Variants in FHIT observed in about 807,000 individuals in gnomAD.
FHIT encodes the protein fragile histidine triad diadenosine triphosphatase.
A neutral mutation model predicts 17.9 loss-of-function variants in FHIT; 19 were observed. The observed-to-expected ratio is 1.06, with a 90% confidence interval of 0.74 to 1.56. The LOEUF (loss-of-function observed/expected upper bound fraction) is 1.56, where lower values mean the gene tolerates loss of function less well. Ranked by LOEUF, FHIT falls within the 40% of genes most tolerant of loss-of-function variation. The probability of loss-of-function intolerance (pLI) is 0.00; values close to 1 mark genes in which losing one functional copy is unlikely to be tolerated. For missense variants in FHIT, 248 were observed against 189.2 expected (o/e 1.31, Z -1.82); for synonymous variants, 81 against 69.7 (o/e 1.16, Z -0.81).
At chr3:60,104,045 C>T (rs1027493129) in intron 5 of FHIT, among the ~76,000 whole-genome samples, 2 of 152,158 alleles carry the variant, frequency 1.3e-5, no homozygotes, top group Admixed American at 6.5e-5. Context: ...GTGACCCCTA[C>T]ATGAGGCCAG....
intron 4 of FHIT, among the ~76,000 whole-genome samples, chr3:60,677,716 T>C (rs1255967702): frequency 1.3e-5 from 2 of 152,188 alleles, no homozygotes; most frequent in Non-Finnish European, 2.9e-5. Flanking sequence ...ATCTTGATTT[T>C]TTTGGAAGAG....
intron 5 of FHIT, among the ~76,000 whole-genome samples, chr3:60,410,893 G>C (rs1702035338): frequency 6.6e-6 from 1 of 152,052 alleles, no homozygotes; most frequent in Non-Finnish European, 1.5e-5. Flanking sequence ...TTCCTATATG[G>C]AGTAATAAGA....
intron 8 of FHIT, among the ~76,000 whole-genome samples, chr3:59,847,680 C>T (rs1701771301): frequency 1.3e-5 from 2 of 152,266 alleles, no homozygotes; most frequent in South Asian, 2.1e-4. Context: ...GAAAACTGGA[C>T]ATATGAATCG....
intron 8 of FHIT, among the ~76,000 whole-genome samples, chr3:59,873,871 G>C (rs80320253): frequency 6.6e-6 from 1 of 152,118 alleles, no homozygotes; most frequent in South Asian, 2.1e-4. Context: ...TTGGTTCCCT[G>C]CTTAAATCTC....
chr3:60,587,141 G>GTA (rs2037933045), intron 4 of FHIT, among the ~76,000 whole-genome samples: 1 of 151,962 alleles, frequency 6.6e-6, no homozygotes, highest in Admixed American at 6.6e-5. Flanking sequence ...AGAAAAAGTA[G>GTA]TATATATACA....
intron 5 of FHIT, among the ~76,000 whole-genome samples, chr3:60,218,212 T>C (rs1425401542): frequency 6.6e-6 from 1 of 152,138 alleles, no homozygotes; most frequent in Non-Finnish European, 1.5e-5. Flanking sequence ...AACCACTGAA[T>C]AAGAAATTAA....
intron 7 of FHIT, among the ~76,000 whole-genome samples, chr3:59,985,334 T>C (rs923326539): frequency 3.3e-5 from 5 of 152,066 alleles, no homozygotes; most frequent in African/African-American, 1.2e-4. Context: ...AGGCAGAGTA[T>C]TTGCCAAAAC....
At chr3:60,431,501 C>A (rs957185677) in intron 5 of FHIT, among the ~76,000 whole-genome samples, 8 of 152,046 alleles carry the variant, frequency 5.3e-5, no homozygotes, top group Admixed American at 2.0e-4. Context: ...ACTATCTCCC[C>A]ACCTCCCACA....
intron 3 of FHIT, among the ~76,000 whole-genome samples, chr3:60,952,682 T>G (rs6801372): frequency 0.98 from 149,081 of 152,250 alleles, 73,073 homozygotes; most frequent in East Asian, 1. Context: ...CCTGAAAACA[T>G]GAAACAAAAC....
At chr3:60,927,813 C>G (rs2107348658) in intron 3 of FHIT, among the ~76,000 whole-genome samples, 1 of 152,368 alleles carries the variant, frequency 6.6e-6, no homozygotes, top group South Asian at 2.1e-4. Context: ...GAGGTGTACC[C>G]ACCAGCTCAT....
At chr3:61,215,054 C>A (rs1324407629) in intron 1 of FHIT, among the ~76,000 whole-genome samples, 2 of 151,602 alleles carry the variant, frequency 1.3e-5, no homozygotes, top group Non-Finnish European at 2.9e-5. Flanking sequence ...CAATATCATA[C>A]TGAATGGGCA....
intron 5 of FHIT, among the ~76,000 whole-genome samples, chr3:60,419,682 A>G (rs1702398477): frequency 6.6e-6 from 1 of 152,026 alleles, no homozygotes; most frequent in Admixed American, 6.6e-5. Context: ...GTCTTTCTCT[A>G]ATTTCTTACT....
intron 5 of FHIT, among the ~76,000 whole-genome samples, chr3:60,139,032 A>G (rs1699928543): frequency 6.6e-6 from 1 of 152,164 alleles, no homozygotes; most frequent in African/African-American, 2.4e-5. Context: ...GTCTCCTCCA[A>G]TGTTCTAGCC....
chr3:60,630,802 C>G (rs1023027839), intron 4 of FHIT, among the ~76,000 whole-genome samples: 5 of 152,092 alleles, frequency 3.3e-5, no homozygotes, highest in Non-Finnish European at 5.9e-5. Context: ...CTGGTTTATA[C>G]AGAGTAATTA....
At chr3:60,517,539 G>GGGT (rs1380221137) in intron 5 of FHIT, among the ~76,000 whole-genome samples, 9 of 152,288 alleles carry the variant, frequency 5.9e-5, no homozygotes, top group African/African-American at 2.2e-4. Flanking sequence ...AACGGTCAAA[G>GGGT]GGTGGTCTTC....
chr3:60,724,655 T>TG (rs1559672181), intron 4 of FHIT, among the ~76,000 whole-genome samples: 3 of 140,842 alleles, frequency 2.1e-5, no homozygotes, highest in African/African-American at 8.5e-5. Flanking sequence ...CTGTTTTTTT[T>TG]TTTTGTTTTT....
intron 4 of FHIT, among the ~76,000 whole-genome samples, chr3:60,581,486 G>T (rs1438154601): frequency 1.3e-5 from 2 of 151,804 alleles, no homozygotes; most frequent in African/African-American, 4.8e-5. Context: ...TAGGAGGTAG[G>T]TAATATTTTT....
intron 3 of FHIT, among the ~76,000 whole-genome samples, chr3:60,839,598 A>T (rs1702649061): frequency 6.6e-6 from 1 of 152,154 alleles, no homozygotes; most frequent in South Asian, 2.1e-4. Context: ...GAGAAAAAAA[A>T]ATCAGATTTA....
At chr3:59,925,508 T>C (rs943385615) in intron 7 of FHIT, among the ~76,000 whole-genome samples, 2 of 152,170 alleles carry the variant, frequency 1.3e-5, no homozygotes, top group Non-Finnish European at 2.9e-5. Flanking sequence ...TACTAACATA[T>C]GGGGGGTTGC....
Sources: allele counts gnomAD v4.1 joint callset (sites outside exome capture counted in the v4.1 genomes callset), GRCh38; gene constraint gnomAD v4.1.1; transcripts MANE v1.5; gene names NCBI Gene and HGNC (gene_info 2026-07-23, HGNC 2026-07-21).